The following NCKAP1L variants were observed in gnomAD, a reference collection of about 807,000 sequenced individuals.
NCKAP1L encodes NCK associated protein 1 like.
In NCKAP1L, 53 loss-of-function variants were observed where a neutral mutation model predicts 139.2. The observed-to-expected ratio is 0.38, with a 90% confidence interval of 0.31 to 0.48. The LOEUF is 0.48. Among genes scored for constraint, NCKAP1L ranks in the 20% least tolerant of loss-of-function variants. The probability of loss-of-function intolerance (pLI) is 0.98; values close to 1 mark genes in which losing one functional copy is unlikely to be tolerated. For missense variants in NCKAP1L, 1,151 were observed against 1,381.9 expected, an observed-to-expected ratio of 0.83 and a Z score of 2.65; for synonymous variants, 468 against 499.7, an observed-to-expected ratio of 0.94 and a Z score of 0.85.
intron 3 of NCKAP1L, among the ~76,000 whole-genome samples, chr12:54,501,473 G>T (rs1956797652): frequency 6.6e-6 from 1 of 151,650 alleles, no homozygotes; most frequent in South Asian, 2.1e-4. Context: ...AAACATGAAA[G>T]TGGAAATGCT....
Position 54,516,933 on chromosome 12 carries a change from A to T in NCKAP1L, c.1036A>T (p.Met346Leu), listed in dbSNP as rs768511940. The change falls in exon 11 of 31, where the codon ATG becomes TTG. Residue 346 changes from methionine (M) to leucine (L), a missense_variant. Coordinates refer to ENST00000293373, the MANE Select transcript of NCKAP1L (RefSeq NM_005337.5). ...TTGTCAACGGCGGCAATTTCTGCGG[A>T]TGGCAGTGAAGGAGCTGGAGACTGT... ...FHCQRRQFLRMAVKELETVLA... is the reference protein window; with the variant it reads ...FHCQRRQFLRLAVKELETVLA... The T allele has an allele frequency of 1.1e-5, 17 of 1,612,706 alleles. No homozygotes were observed. The highest frequency in any genetic ancestry group is 1.4e-5 in the Non-Finnish European group (17 of 1,179,230).
At chr12:54,498,434 T>TGTGTGTGTGTGTG (rs71070823) in intron 1 of NCKAP1L, among the ~76,000 whole-genome samples, 71 of 149,504 alleles carry the variant, frequency 4.7e-4, no homozygotes, top group South Asian at 1.1e-3. Flanking sequence ...TGTGTGTGTG[T>TGTGTGTGTGTGTG]TTAGAATAGG....
intron 9 of NCKAP1L, among the ~76,000 whole-genome samples, chr12:54,513,046 T>A (rs1353571398): frequency 6.6e-6 from 1 of 152,104 alleles, no homozygotes; most frequent in African/African-American, 2.4e-5. Context: ...TTTGAATCCA[T>A]CCCAAAGAGG....
chr12:54,508,682 T>C, intron 5 of NCKAP1L, 151 bp downstream of exon 5: 1 of 803,436 alleles, frequency 1.2e-6, no homozygotes, highest in Non-Finnish European at 2.0e-6. Flanking sequence ...CACTTTTACA[T>C]ATTCAGTTGA....
At position 54,527,829 on chromosome 12, in the gene NCKAP1L, C is replaced by A. The variant is rs376357445; in HGVS notation, c.2376-418C>A. 6.8e-4 allele frequency among the ~76,000 whole-genome samples: 104 copies of A among 152,272 alleles called. 4 individuals carry two copies. In the South Asian group the frequency reaches 0.021, roughly 31 times the overall value. ...AATATTTGGAGACTGATGACCTGTG[C>A]TCACAGGTACCTCTTTGCCCAGGAG... On this transcript the variant is annotated intron_variant, in intron 21 of 30. Transcript: ENST00000293373.
intron 10 of NCKAP1L, 73 bp downstream of exon 10, chr12:54,516,368 G>A: frequency 7.1e-7 from 1 of 1,403,004 alleles, no homozygotes; most frequent in Non-Finnish European, 1.0e-6. Flanking sequence ...TCTCACCTAA[G>A]CCATCCTTAG....
chr12:54,506,796 A>AATAT (rs1171488876), intron 3 of NCKAP1L, among the ~76,000 whole-genome samples: 1,163 of 50,596 alleles, frequency 0.023, 28 homozygotes, highest in Non-Finnish European at 0.028. Context: ...AAAAAAAAAA[A>AATAT]ATATATATAT....
At chr12:54,527,618 C>T (rs1957036606) in intron 21 of NCKAP1L, among the ~76,000 whole-genome samples, 2 of 152,190 alleles carry the variant, frequency 1.3e-5, no homozygotes, top group Admixed American at 6.5e-5. Context: ...CCCCTGTCAG[C>T]CGTTTCAGCG....
chr12:54,513,587 G>A (rs535887504), intron 9 of NCKAP1L, among the ~76,000 whole-genome samples: 1 of 152,320 alleles, frequency 6.6e-6, no homozygotes, highest in African/African-American at 2.4e-5. Flanking sequence ...AGCATTCCTA[G>A]AAGGAAGGAC....
chr12:54,517,554 C>T lies in NCKAP1L; in HGVS notation c.1117C>T (p.Leu373=). The T allele has an allele frequency of 6.2e-7, 1 of 1,614,028 alleles. No homozygotes were observed. Among genetic ancestry groups the T allele is most frequent in the South Asian group, 1.1e-5 (1 of 91,082 alleles). Residue 373 remains leucine (L), a synonymous_variant, in exon 12 of 31, where the codon CTG becomes TTG. Transcript: ENST00000293373. ...GPKALFAFMA[L]SFIRDEVTWL... is the part of the protein sequence containing the mutation. ...ATAGGCTCTTTTTGCTTTCATGGCC[C>T]TGTCCTTCATTCGTGATGAGGTCAC...
Position 54,499,367 on chromosome 12 carries a change from C to A in NCKAP1L, c.115C>A (p.Pro39Thr). 1 of 1,600,902 alleles carries A rather than the reference C, an allele frequency of 6.2e-7. No homozygotes were observed. The highest frequency in any genetic ancestry group is 8.6e-7 in the Non-Finnish European group (1 of 1,168,142). ...TTTCTCTCTGCAGACTTGTTCAGAC[C>A]CCAAATCTAAGCCACCTTTCTTACT... ...MYNIKKTCSD[P>T]KSKPPFLLEK... The change falls in exon 2 of 31, where the codon CCC becomes ACC. Residue 39 changes from proline to threonine, a missense_variant. Physicochemically the swap from Pro to Thr is conservative, Grantham distance 38. Transcript: ENST00000293373.
intron 26 of NCKAP1L, among the ~76,000 whole-genome samples, chr12:54,533,618 G>A (rs570822518): frequency 2.6e-5 from 4 of 151,948 alleles, no homozygotes; most frequent in Non-Finnish European, 5.9e-5. Flanking sequence ...GTGTTGCCCA[G>A]TGCTGGAGTG....
At chr12:54,538,154 T>A (rs1482183480) in intron 29 of NCKAP1L, among the ~76,000 whole-genome samples, 2 of 152,206 alleles carry the variant, frequency 1.3e-5, no homozygotes, top group Non-Finnish European at 2.9e-5. Flanking sequence ...ATCATATTGT[T>A]CTCTCAGGAA....
intron 22 of NCKAP1L, among the ~76,000 whole-genome samples, chr12:54,530,320 C>T (rs1449193962): frequency 6.6e-6 from 1 of 152,236 alleles, no homozygotes; most frequent in Non-Finnish European, 1.5e-5. Context: ...TCCTTCCTAT[C>T]TGGATTTGTC....
In NCKAP1L at chr12:54,546,194, CA is replaced by C; in HGVS notation, c.*3516del. ...GTCAACATGGCGAACTCCGTCTCTA[CA>C]AAAAAATACGAAAATTAGCTGGGCG... is the stretch of plus-strand genomic sequence containing the variant. On this transcript the variant is annotated 3_prime_UTR_variant, in exon 31 of 31. Transcript: ENST00000293373. 1 of 152,024 alleles carries C rather than the reference CA, an allele frequency of 6.6e-6. No individual in the cohort carries two copies. The highest frequency in any genetic ancestry group is 1.5e-5 in the Non-Finnish European group (1 of 68,056). 9.4% of individuals were successfully genotyped at this position (152,024 alleles called of 1,614,324 possible). A position where few individuals can be genotyped will look rare whatever the true frequency, so the allele number is the denominator to read the frequency against.
chr12:54,536,117 C>G lies in NCKAP1L; in HGVS notation c.2957-12C>G. ...ATTCACTTTTCCTCTTTTCCTTTTT[C>G]CCTCTCACCAGATACTTCATCTCCT... is the stretch of plus-strand genomic sequence containing the variant. On this transcript the variant is annotated splice_polypyrimidine_tract_variant and intron_variant, in intron 27 of 30. Coordinates refer to ENST00000293373, the MANE Select transcript of NCKAP1L (RefSeq NM_005337.5). 1 of 1,584,682 alleles carries G rather than the reference C, an allele frequency of 6.3e-7. No individual in the cohort carries two copies.
At chr12:54,531,083 A>G (rs1159060629) in intron 22 of NCKAP1L, among the ~76,000 whole-genome samples, 177 bp from the exon 23 acceptor site, 1 of 152,248 alleles carries the variant, frequency 6.6e-6, no homozygotes, top group Non-Finnish European at 1.5e-5. Flanking sequence ...TAAATGTCCC[A>G]TGGACTTGCC....
At chr12:54,519,034 C>T (rs1956957961) in intron 15 of NCKAP1L, 62 bp downstream of exon 15, 1 of 1,556,828 alleles carries the variant, frequency 6.4e-7, no homozygotes, top group East Asian at 2.2e-5. Context: ...ACAATCCCTT[C>T]TCTTTTTATC....
chr12:54,520,804 C>G lies in NCKAP1L; in HGVS notation c.1736C>G (p.Thr579Ser), dbSNP rs1343203336. 4 of 1,614,134 alleles carry G rather than the reference C, an allele frequency of 2.5e-6. No homozygotes were observed. The Admixed American group carries it at 6.7e-5, about 27-fold the overall frequency. ...PLICAHFVHC[T>S]HEMCPEEYPH... ...ATTTGTGCTCACTTTGTCCACTGCA[C>G]TCATGAGATGTGCCCAGAGGAGGTA... Residue 579 changes from threonine (T) to serine (S), a missense_variant, in exon 17 of 31, where the codon ACT (threonine) becomes AGT (serine). Physicochemically the swap from Thr to Ser is moderately conservative, Grantham distance 58 (BLOSUM62 1). Transcript: ENST00000293373.
Sources: allele counts gnomAD v4.1 joint callset (sites outside exome capture counted in the v4.1 genomes callset), GRCh38; gene constraint gnomAD v4.1.1; transcripts MANE v1.5; gene names NCBI Gene and HGNC (gene_info 2026-07-23, HGNC 2026-07-21).